USHBP1: variants seen among roughly 807,000 people sequenced by gnomAD.
USHBP1 encodes the protein harmonin-binding protein USHBP1.
A neutral mutation model predicts 76.2 loss-of-function variants in USHBP1; 67 were observed. The ratio of observed to expected loss-of-function variants is 0.88; its 90% CI spans 0.72 to 1.08. The LOEUF is 1.08. Among genes scored for constraint, USHBP1 ranks in the 50% least tolerant of loss-of-function variants. The pLI is 0.00. For synonymous variants in USHBP1, 322 were observed against 362.2 expected (o/e 0.89, Z 1.26); for missense variants, 931 against 915.0 (o/e 1.02, Z -0.23).
Position 17,251,664 on chromosome 19 carries a change from C to T in USHBP1, c.1840G>A (p.Glu614Lys). ...CCCTTCTGAGCCACCTGTTCCAGCT[C>T]CCTGCGCAGAGACTGCAGCTGCTCC... ...LQEQLQSLRR[E>K]LEQVAQKGRA... Residue 614 changes from glutamate (E) to lysine (K), a missense_variant, in exon 12 of 13, where the codon GAG becomes AAG. Transcript: ENST00000252597. The T allele has an allele frequency of 1.2e-6, 2 of 1,613,866 alleles. No individual in the cohort carries two copies. The highest frequency in any genetic ancestry group is 1.7e-6 in the Non-Finnish European group (2 of 1,180,016).
chr19:17,253,178 G>A (rs910785774), intron 10 of USHBP1, among the ~76,000 whole-genome samples: 2 of 151,524 alleles, frequency 1.3e-5, no homozygotes, highest in African/African-American at 2.4e-5. Context: ...CCGTGTTAGC[G>A]AGGATGGTCT....
At position 17,255,736 on chromosome 19, in the gene USHBP1, C is replaced by A. The variant is rs918725086; in HGVS notation, c.1471-130G>T. 3.0e-6 allele frequency: 3 copies of A among 1,011,916 alleles called. No individual in the cohort carries two copies. The South Asian group carries it at 5.1e-5, about 17-fold the overall frequency. 62.7% of individuals were successfully genotyped at this position (1,011,916 alleles called of 1,614,324 possible). The stretch of plus-strand genomic sequence containing the variant: ...TGACTTTTGGCCAGGCGCAGTGGCT[C>A]ATGCCTGTAATCCCAGCACTTTGGG... On this transcript the variant is annotated intron_variant, in intron 9 of 12. Transcript: ENST00000252597.
At position 17,250,250 on chromosome 19, in the gene USHBP1, G is replaced by A; in HGVS notation, c.2087C>T (p.Pro696Leu). ...CTACAGAAAGGTGTCCCCAAGCTGG[G>A]GAGGCGGGAGGGGAGGCCTGGGCTT... ...LGKPRPPLPPPQLGDTFL is the reference protein window; with the variant it reads ...LGKPRPPLPPLQLGDTFL The change falls in exon 13 of 13, where the codon CCC becomes CTC. Residue 696 changes from proline (P) to leucine (L), a missense_variant. Coordinates refer to ENST00000252597, the MANE Select transcript of USHBP1 (RefSeq NM_031941.4). 2.5e-6 allele frequency: 4 copies of A among 1,612,532 alleles called. No individual in the cohort carries two copies. The highest frequency in any genetic ancestry group is 2.5e-6 in the Non-Finnish European group (3 of 1,179,550).
intron 4 of USHBP1, 37 bp downstream of exon 4, chr19:17,262,515 C>T (rs1568328029): frequency 6.4e-7 from 1 of 1,565,428 alleles, no homozygotes; most frequent in Admixed American, 1.8e-5. Flanking sequence ...CTCCCTCAGA[C>T]AGAGAGCCAC....
rs776386065 is a variant in USHBP1 at position 17,259,625 on chromosome 19, G to C, written c.876C>G (p.Ile292Met). ...PNQPLSPEMH[I>M]MEAQMEQLRG... ...GGAGTTGCTCCATCTGGGCTTCCAT[G>C]ATGTGCATCTCAGGACTGAGGGGCT... Residue 292 changes from isoleucine (I) to methionine (M), a missense_variant, in exon 6 of 13, where the codon ATC becomes ATG. By Grantham distance (10) the Ile-to-Met change is conservative. Transcript: ENST00000252597. 6.2e-6 allele frequency: 10 copies of C among 1,613,112 alleles called. No individual in the cohort carries two copies. Among genetic ancestry groups the C allele is most frequent in the Admixed American group, 5.0e-5 (3 of 59,716 alleles).
At chr19:17,258,550 A>C in intron 7 of USHBP1, 165 bp from the exon 8 acceptor site, 1 of 674,672 alleles carries the variant, frequency 1.5e-6, no homozygotes, top group Non-Finnish European at 2.4e-6. Context: ...CTCTACTAAA[A>C]AGACAAAGAT....
intron 5 of USHBP1, 60 bp from the exon 6 acceptor site, chr19:17,259,792 C>T (rs2073666182): frequency 6.3e-7 from 1 of 1,578,996 alleles, no homozygotes; most frequent in South Asian, 1.2e-5. Context: ...GGATTGTAGG[C>T]ATTTTGCAAC....
chr19:17,260,703 G>A lies in USHBP1; in HGVS notation c.643-681C>T, dbSNP rs546647755. 2.0e-5 allele frequency among the ~76,000 whole-genome samples: 3 copies of A among 152,242 alleles called. No homozygotes were observed. In the East Asian group the frequency reaches 5.8e-4, roughly 29 times the overall value. On this transcript the variant is annotated intron_variant, in intron 4 of 12. Coordinates refer to ENST00000252597, the MANE Select transcript of USHBP1 (RefSeq NM_031941.4). ...TCCCTTCTGCCCTGCTGTCTCCTCTGAGCCCTGGACTCAGACATATAGCTG... is the reference window on the plus strand; with the variant it reads ...TCCCTTCTGCCCTGCTGTCTCCTCTAAGCCCTGGACTCAGACATATAGCTG...
rs537123379 is a variant in USHBP1 at position 17,258,923 on chromosome 19, T to G, written c.1046+366A>C. Among the ~76,000 whole-genome samples the G allele has an allele frequency of 6.6e-5, 10 of 151,784 alleles. No homozygotes were observed. The East Asian group carries it at 2.0e-3, about 30-fold the overall frequency. ...TGGCTCACACCTGTAATCCCAGCACTTTAGGAGGCCCAGTAGGGGGGATCA... is the reference window on the plus strand; with the variant it reads ...TGGCTCACACCTGTAATCCCAGCACGTTAGGAGGCCCAGTAGGGGGGATCA... On this transcript the variant is annotated intron_variant, in intron 7 of 12. Coordinates refer to ENST00000252597, the MANE Select transcript of USHBP1 (RefSeq NM_031941.4).
chr19:17,262,498 C>G (rs2073700397), intron 4 of USHBP1, 54 bp downstream of exon 4: 4 of 1,535,746 alleles, frequency 2.6e-6, no homozygotes, highest in Admixed American at 2.0e-5. Context: ...TACATCAGGC[C>G]CACCTCCTCC....
rs2073620749 is a variant in USHBP1 at position 17,256,502 on chromosome 19, G to A, written c.1439C>T (p.Thr480Ile). Reference sequence around the variant, plus strand: ...GGCCACCAGGTCCTGCTGAATTTGTGTCTTCTCCAGTCGGGGAAGAGCTGG... The same window carrying A: ...GGCCACCAGGTCCTGCTGAATTTGTATCTTCTCCAGTCGGGGAAGAGCTGG... The part of the protein sequence containing the change: ...AGPALPRLEK[T>I]QIQQDLVAAR... The change falls in exon 9 of 13, where the codon ACA (threonine) becomes ATA (isoleucine). Residue 480 changes from threonine (T) to isoleucine (I), a missense_variant. Transcript: ENST00000252597. 7 of 1,613,862 alleles carry A rather than the reference G, an allele frequency of 4.3e-6. No homozygotes were observed. Among genetic ancestry groups the A allele is most frequent in the Non-Finnish European group, 5.9e-6 (7 of 1,180,026 alleles).
chr19:17,261,218 C>T (rs540374300), intron 4 of USHBP1, among the ~76,000 whole-genome samples: 12 of 152,164 alleles, frequency 7.9e-5, no homozygotes, highest in African/African-American at 2.9e-4. Flanking sequence ...CCCTGTTGCC[C>T]CCTGTGTTCC....
chr19:17,249,992 A>C lies in USHBP1; in HGVS notation c.*233T>G. 2 of 557,240 alleles carry C rather than the reference A, an allele frequency of 3.6e-6. No individual in the cohort carries two copies. The highest frequency in any genetic ancestry group is 6.9e-5 in the Admixed American group (2 of 28,870). 34.5% of individuals were successfully genotyped at this position (557,240 alleles called of 1,614,324 possible). A position where few individuals can be genotyped will look rare whatever the true frequency, so the allele number is the denominator to read the frequency against. ...CATAGCCCAGGTTGCTTCTGGCCTG[A>C]CCCCACTGATATGAAGTTCACATTC... is the stretch of plus-strand genomic sequence containing the variant. On this transcript the variant is annotated 3_prime_UTR_variant, in exon 13 of 13. Coordinates refer to ENST00000252597, the MANE Select transcript of USHBP1 (RefSeq NM_031941.4).
intron 11 of USHBP1, 26 bp downstream of exon 11, chr19:17,251,885 G>A (rs905551167): frequency 9.8e-6 from 15 of 1,524,368 alleles, no homozygotes; most frequent in South Asian, 3.7e-5. Flanking sequence ...CCCACCCCCC[G>A]CACAGCCCAG....
chr19:17,256,337 C>A (rs2073618383), intron 9 of USHBP1, 134 bp downstream of exon 9: 1 of 1,355,642 alleles, frequency 7.4e-7, no homozygotes, highest in Non-Finnish European at 1.0e-6. Context: ...CTCAAAACCC[C>A]AGCTCCAATT....
At chr19:17,255,266 TG>T in intron 10 of USHBP1, 118 bp downstream of exon 10, 2 of 1,155,864 alleles carry the variant, frequency 1.7e-6, no homozygotes, top group South Asian at 1.5e-5. Context: ...CATTCCAGCC[TG>T]GGCAACAAGA....
chr19:17,254,882 C>T (rs1269948359), intron 10 of USHBP1, among the ~76,000 whole-genome samples: 4 of 151,956 alleles, frequency 2.6e-5, no homozygotes, highest in African/African-American at 9.7e-5. Flanking sequence ...CTGAGATCTA[C>T]AGGAGGTCGA....
chr19:17,261,064 G>T (rs1470608986), intron 4 of USHBP1, among the ~76,000 whole-genome samples: 1 of 152,024 alleles, frequency 6.6e-6, no homozygotes, highest in African/African-American at 2.4e-5. Context: ...GAACACCTGC[G>T]TCGAGCATGC....
Position 17,264,045 on chromosome 19 carries a change from G to C in USHBP1, c.160C>G (p.Leu54Val), listed in dbSNP as rs2073722894. The stretch of plus-strand genomic sequence containing the variant: ...CCACTGACCTCCTCCATGGGGCCCA[G>C]CTGCTCCAGCCCGGAGCTCACCGGA... ...PPPVSSGLEQ[L>V]GPMEEVSGQG... The change falls in exon 3 of 13, where the codon CTG (leucine) becomes GTG (valine). Residue 54 changes from leucine to valine, a missense_variant. Transcript: ENST00000252597. The C allele has an allele frequency of 6.2e-7, 1 of 1,611,734 alleles. No individual in the cohort carries two copies. The highest frequency in any genetic ancestry group is 1.3e-5 in the African/African-American group (1 of 75,032).
Sources: allele counts gnomAD v4.1 joint callset (sites outside exome capture counted in the v4.1 genomes callset), GRCh38; gene constraint gnomAD v4.1.1; transcripts MANE v1.5; gene names NCBI Gene and HGNC (gene_info 2026-07-23, HGNC 2026-07-21).